Variants in KMT2C observed in about 807,000 individuals in gnomAD.
The protein encoded by KMT2C is lysine methyltransferase 2C.
In KMT2C, 88 loss-of-function variants were observed where a neutral mutation model predicts 507.9. That is an observed-to-expected ratio of 0.17 (90% confidence interval 0.15 to 0.21). KMT2C has a LOEUF of 0.21. Among genes scored for constraint, KMT2C ranks in the 10% least tolerant of loss-of-function variants. KMT2C has a pLI of 1.00. For missense variants in KMT2C, 4,954 were observed against 5,957.8 expected, an observed-to-expected ratio of 0.83 and a Z score of 5.55; for synonymous variants, 2,049 against 2,080.8, an observed-to-expected ratio of 0.98 and a Z score of 0.42.
chr7:152,212,518 C>A (rs1396984127), intron 23 of KMT2C, among the ~76,000 whole-genome samples: 1 of 151,870 alleles, frequency 6.6e-6, no homozygotes, highest in Non-Finnish European at 1.5e-5. Flanking sequence ...TAGAAACCCC[C>A]AAAAATTCCA....
chr7:152,385,139 A>G (rs904448169), intron 1 of KMT2C, among the ~76,000 whole-genome samples: 1 of 152,186 alleles, frequency 6.6e-6, no homozygotes, highest in Non-Finnish European at 1.5e-5. Context: ...ATAGAGAAAC[A>G]TCGGGGATAA....
At chr7:152,349,532 A>T (rs2097092935) in intron 2 of KMT2C, among the ~76,000 whole-genome samples, 1 of 152,194 alleles carries the variant, frequency 6.6e-6, no homozygotes, top group Non-Finnish European at 1.5e-5. Context: ...AGCCAGTCTG[A>T]AAAGACTACA....
intron 1 of KMT2C, among the ~76,000 whole-genome samples, chr7:152,397,947 A>C (rs1212128362): frequency 6.6e-6 from 1 of 152,156 alleles, no homozygotes; most frequent in Non-Finnish European, 1.5e-5. Context: ...CAGTAAACGC[A>C]CTAATACAAC....
intron 1 of KMT2C, among the ~76,000 whole-genome samples, chr7:152,384,986 T>C (rs1287694001): frequency 6.6e-6 from 1 of 152,148 alleles, no homozygotes; most frequent in Non-Finnish European, 1.5e-5. Flanking sequence ...CAACAGTTGC[T>C]AATGTCACAA....
chr7:152,233,887 G>A (rs113453745), intron 16 of KMT2C, among the ~76,000 whole-genome samples: 4 of 151,836 alleles, frequency 2.6e-5, no homozygotes, highest in African/African-American at 7.3e-5. Flanking sequence ...GGCTCATCCC[G>A]TAATCCCAGC....
In KMT2C at chr7:152,148,107, C is replaced by G. The variant is rs1454613804; in HGVS notation, c.13820G>C (p.Gly4607Ala). 2.5e-6 allele frequency: 4 copies of G among 1,611,248 alleles called. No homozygotes were observed. In the South Asian group the frequency reaches 4.4e-5, roughly 18 times the overall value. Residue 4607 changes from glycine (G) to alanine (A), a missense_variant, in exon 52 of 59, where the codon GGG becomes GCG. Coordinates refer to ENST00000262189, the MANE Select transcript of KMT2C (RefSeq NM_170606.3). The surrounding 1 kb of genome is among the most constrained non-coding windows in gnomAD (Gnocchi z 7.1). ...RYLCSIEEKD[G>A]RPVFVIRIVE... ...AATCCTGATGACAAACACTGGGCGCCCATCCTTCTCCTCAATGGAGCACAG... is the reference window on the plus strand; with the variant it reads ...AATCCTGATGACAAACACTGGGCGCGCATCCTTCTCCTCAATGGAGCACAG...
At chr7:152,349,692 G>A (rs1356499872) in intron 2 of KMT2C, among the ~76,000 whole-genome samples, 1 of 152,018 alleles carries the variant, frequency 6.6e-6, no homozygotes, top group African/African-American at 2.4e-5. Context: ...TTTTAGGGCA[G>A]TGACTATGAT....
chr7:152,278,754 A>C (rs1177974332), intron 6 of KMT2C, among the ~76,000 whole-genome samples: 1 of 152,208 alleles, frequency 6.6e-6, no homozygotes, highest in Non-Finnish European at 1.5e-5. Flanking sequence ...ATATTTCATA[A>C]TAACCTAAGT....
At chr7:152,259,333 A>T (rs1201438803) in intron 9 of KMT2C, among the ~76,000 whole-genome samples, 1 of 152,012 alleles carries the variant, frequency 6.6e-6, no homozygotes, top group Non-Finnish European at 1.5e-5. Flanking sequence ...GAATATTCCT[A>T]CTATTAAGAA....
At chr7:152,238,211 C>A (rs371888594) in intron 15 of KMT2C, among the ~76,000 whole-genome samples, 5,496 of 105,034 alleles carry the variant, frequency 0.052, no homozygotes, top group Non-Finnish European at 0.082. Flanking sequence ...TAATTTTTTT[C>A]TCTTCAAAAT....
chr7:152,140,594 G>A (rs1220325193), intron 55 of KMT2C, among the ~76,000 whole-genome samples: 1 of 152,178 alleles, frequency 6.6e-6, no homozygotes, highest in South Asian at 2.1e-4. Context: ...GCAACTGAAT[G>A]CAAAAGTACT....
chr7:152,412,055 T>C (rs2097689928), intron 1 of KMT2C, among the ~76,000 whole-genome samples: 2 of 152,290 alleles, frequency 1.3e-5, no homozygotes, highest in East Asian at 1.9e-4. Flanking sequence ...AAACAGAGCC[T>C]ATTTTCTTCC....
chr7:152,427,747 G>C (rs2097832781), intron 1 of KMT2C, among the ~76,000 whole-genome samples: 1 of 152,124 alleles, frequency 6.6e-6, no homozygotes, highest in African/African-American at 2.4e-5. Flanking sequence ...TATTCTCAGT[G>C]ATTACATGTT....
rs190821156 is a variant in KMT2C at position 152,209,272 on chromosome 7, C to T, written c.3713-1844G>A. Among the ~76,000 whole-genome samples, 76 of 151,424 alleles carry T rather than the reference C, an allele frequency of 5.0e-4. 1 individual carries two copies. The highest frequency in any genetic ancestry group is 2.0e-3 in the Admixed American group (30 of 15,232). On this transcript the variant is annotated intron_variant, in intron 23 of 58. Transcript: ENST00000262189. ...GAGATCGAGACCATCCTGGCTAACA[C>T]AGTGAAACCCTGTCTCTACTAAAAA...
chr7:152,211,875 C>T (rs375106209), intron 23 of KMT2C, among the ~76,000 whole-genome samples: 2 of 152,102 alleles, frequency 1.3e-5, no homozygotes, highest in Non-Finnish European at 2.9e-5. Flanking sequence ...AGTGAAAACC[C>T]GTCTCTACTA....
In KMT2C at chr7:152,178,015, T is replaced by TTAAAAAAAAAAAAAAAAAAAAAAAA; in HGVS notation, c.7443-6_7443-5insTTTTTTTTTTTTTTTTTTTTTTTTA. ...CTACCTCCTGGAAATCCAAATCTTT[T>TTAAAAAAAAAAAAAAAAAAAAAAAA]AAAAAAAAAAAAAAAAAAAAAAAAA... On this transcript the variant is annotated splice_polypyrimidine_tract_variant and splice_region_variant and intron_variant, in intron 37 of 58. Transcript: ENST00000262189. 1 of 809,860 alleles carries TTAAAAAAAAAAAAAAAAAAAAAAAA rather than the reference T, an allele frequency of 1.2e-6. No individual in the cohort carries two copies. Among genetic ancestry groups the TTAAAAAAAAAAAAAAAAAAAAAAAA allele is most frequent in the African/African-American group, 3.1e-5 (1 of 31,876 alleles). The allele number at this position is 809,860 out of a possible 1,614,324, so 50.2% of individuals were successfully genotyped here. A position where few individuals can be genotyped will look rare whatever the true frequency, so the allele number is the denominator to read the frequency against.
chr7:152,226,375 G>C (rs1035627066), intron 18 of KMT2C, among the ~76,000 whole-genome samples: 2 of 151,824 alleles, frequency 1.3e-5, no homozygotes, highest in African/African-American at 4.8e-5. Context: ...TAGGACTACA[G>C]GAATGAGCCA....
intron 31 of KMT2C, among the ~76,000 whole-genome samples, chr7:152,191,253 T>C (rs2093783804): frequency 6.6e-6 from 1 of 152,156 alleles, no homozygotes; most frequent in Non-Finnish European, 1.5e-5. Context: ...TATGTCCCAT[T>C]TCTACCAACC....
At position 152,148,229 on chromosome 7, in the gene KMT2C, C is replaced by A. The variant is rs746471881; in HGVS notation, c.13698G>T (p.Met4566Ile). Reference protein sequence around the residue: ...HTIGQLLPQQMQAFHSPKALF... With the variant: ...HTIGQLLPQQIQAFHSPKALF... ...GTGCTTTAGGAGAATGGAATGCTTG[C>A]ATCTGCTGTGGAAGCAGCTGACCAA... Residue 4566 changes from methionine to isoleucine, a missense_variant, in exon 52 of 59, where the codon ATG becomes ATT. Met to Ile is a conservative substitution (Grantham distance 10). Around this residue, in one of 29 missense-constraint regions of KMT2C, gnomAD observed 221 missense variants for 304.7 expected, o/e 0.73. Coordinates refer to ENST00000262189, the MANE Select transcript of KMT2C (RefSeq NM_170606.3). The surrounding 1 kb of genome is among the most constrained non-coding windows in gnomAD (Gnocchi z 7.1). 4 of 1,614,254 alleles carry A rather than the reference C, an allele frequency of 2.5e-6. No homozygotes were observed. The highest frequency in any genetic ancestry group is 1.1e-5 in the South Asian group (1 of 91,090).
Sources: gnomAD v4.1 joint callset for allele counts (sites outside exome capture counted in the v4.1 genomes callset) on GRCh38, gnomAD v4.1.1 for gene constraint, gnomAD v4.1.1 regional missense constraint, Gnocchi (gnomAD v3.1) non-coding constraint, MANE v1.5 for transcripts, NCBI Gene and HGNC (gene_info 2026-07-23, HGNC 2026-07-21) for gene names.